The following IQCK variants were observed in gnomAD, a reference collection of about 807,000 sequenced individuals.
IQCK encodes the protein IQ motif containing K.
A neutral mutation model predicts 28.1 loss-of-function variants in IQCK; 29 were observed. The ratio of observed to expected loss-of-function variants is 1.03; its 90% CI spans 0.77 to 1.41. The LOEUF (loss-of-function observed/expected upper bound fraction) is 1.41, where lower values mean the gene tolerates loss of function less well. Ranked by LOEUF, IQCK falls within the 40% of genes most tolerant of loss-of-function variation. IQCK has a pLI of 0.00. For synonymous variants in IQCK, 113 were observed against 115.1 expected, an observed-to-expected ratio of 0.98 and a Z score of 0.12; for missense variants, 359 against 314.7, an observed-to-expected ratio of 1.14 and a Z score of -1.07.
intron 4 of IQCK, among the ~76,000 whole-genome samples, chr16:19,750,472 T>A (rs537723831): frequency 2.6e-4 from 39 of 151,248 alleles, no homozygotes; most frequent in Admixed American, 7.3e-4. Context: ...TTGTTTTTGT[T>A]TTTTTTTGAG....
chr16:19,832,014 T>C (rs138863268), downstream of IQCK, among the ~76,000 whole-genome samples: 263 of 152,260 alleles, frequency 1.7e-3, 2 homozygotes, highest in East Asian at 0.04. Flanking sequence ...TTTCAGCCAA[T>C]GTAGTTTAAA....
chr16:19,806,625 C>G (rs1412518657), intron 7 of IQCK, among the ~76,000 whole-genome samples: 1 of 151,582 alleles, frequency 6.6e-6, no homozygotes, highest in Admixed American at 6.6e-5. Context: ...GGAGGCAGAG[C>G]TTGCAGTGAG....
In IQCK at chr16:19,763,795, A is replaced by C. The variant is rs375242173; in HGVS notation, c.475-53A>C. 1.4e-4 allele frequency: 198 copies of C among 1,379,418 alleles called. 1 individual carries two copies. Among genetic ancestry groups the C allele is most frequent in the Non-Finnish European group, 2.5e-5 (24 of 967,886 alleles). 85.4% of individuals were successfully genotyped at this position (1,379,418 alleles called of 1,614,324 possible). A position where few individuals can be genotyped will look rare whatever the true frequency, so the allele number is the denominator to read the frequency against. On this transcript the variant is annotated intron_variant, in intron 4 of 7. Transcript: ENST00000564186. Reference sequence around the variant, plus strand: ...TGTATAAGTAGACCTGTGCAGTTCAAATCCATAGTGTTTAAGGGTCAGTTG... The same window carrying C: ...TGTATAAGTAGACCTGTGCAGTTCACATCCATAGTGTTTAAGGGTCAGTTG...
intron 9 of IQCK, among the ~76,000 whole-genome samples, chr16:19,836,726 A>G (rs142154724): frequency 1.3e-5 from 2 of 152,248 alleles, no homozygotes; most frequent in East Asian, 1.9e-4. Context: ...GTTGGCCAGG[A>G]TGCTCTTGAT....
rs183625761 is a variant in IQCK, at chr16:19,736,744, T to C, written c.474+1294T>C. Among the ~76,000 whole-genome samples the C allele has an allele frequency of 4.0e-3, 615 of 152,174 alleles. 3 individuals are homozygous for C. Among genetic ancestry groups the C allele is most frequent in the African/African-American group, 0.014 (565 of 41,494 alleles). On this transcript the variant is annotated intron_variant, in intron 4 of 7. Transcript: ENST00000564186. Reference sequence around the variant, plus strand: ...CCCCAGCCATGTGAGCTTCCTTCTATTATTATTATCTGCACTCTGCAGAGG... The same window carrying C: ...CCCCAGCCATGTGAGCTTCCTTCTACTATTATTATCTGCACTCTGCAGAGG...
At chr16:19,768,732 TGA>T (rs2055277585) in intron 6 of IQCK, among the ~76,000 whole-genome samples, 7 of 152,022 alleles carry the variant, frequency 4.6e-5, no homozygotes, top group Admixed American at 4.6e-4. Context: ...GGTGACAGAG[TGA>T]GACTCCATCT....
intron 6 of IQCK, among the ~76,000 whole-genome samples, chr16:19,777,772 C>T (rs1042728460): frequency 2.6e-5 from 4 of 152,164 alleles, no homozygotes; most frequent in Admixed American, 6.5e-5. Flanking sequence ...AGTTCAGGGC[C>T]GGGCACGGTG....
exon 10 of IQCK, chr16:19,856,690 A>G (rs575965280): frequency 1.5e-6 from 1 of 651,326 alleles, no homozygotes; most frequent in Admixed American, 3.0e-5. Context: ...ACAAGATAGG[A>G]TTCATTGCAA....
At chr16:19,782,456 C>CA (rs2055500645) in intron 6 of IQCK, among the ~76,000 whole-genome samples, 1 of 149,208 alleles carries the variant, frequency 6.7e-6, no homozygotes, top group Non-Finnish European at 1.5e-5. Flanking sequence ...CCTGTCTCTA[C>CA]AAAAATACCA....
At chr16:19,783,772 A>G (rs1320861426) in intron 6 of IQCK, among the ~76,000 whole-genome samples, 1 of 152,184 alleles carries the variant, frequency 6.6e-6, no homozygotes, top group African/African-American at 2.4e-5. Flanking sequence ...CTAGCTATGA[A>G]AGCAGGGATG....
intron 4 of IQCK, among the ~76,000 whole-genome samples, chr16:19,751,928 C>T (rs545842307): frequency 3.9e-5 from 6 of 152,242 alleles, no homozygotes; most frequent in South Asian, 2.1e-4. Context: ...GGGCTGGCCA[C>T]ACTCTACAAG....
At chr16:19,736,240 T>C in intron 4 of IQCK, 2 of 443,686 alleles carry the variant, frequency 4.5e-6, no homozygotes, top group Non-Finnish European at 9.0e-6. Flanking sequence ...GAGAATCAGC[T>C]TCTCTGCAGG....
chr16:19,826,155 C>T (rs538601986), intron 7 of IQCK, among the ~76,000 whole-genome samples: 1 of 152,112 alleles, frequency 6.6e-6, no homozygotes, highest in East Asian at 1.9e-4. Flanking sequence ...TACAGGTGTT[C>T]ACCACCACAC....
chr16:19,847,084 C>T lies in IQCK; in HGVS notation c.803-9403C>T, dbSNP rs2056423052. On this transcript the variant is annotated intron_variant, in intron 9 of 9. Coordinates refer to the IQCK transcript ENST00000320394. The stretch of plus-strand genomic sequence containing the variant: ...TTAGTATCTCTGAGCCTCAATTTCT[C>T]AGTCAGTAAAATGAAAATGAGGATA... Among the ~76,000 whole-genome samples, 7 of 152,212 alleles carry T rather than the reference C, an allele frequency of 4.6e-5. No homozygotes were observed. In the South Asian group the frequency reaches 1.5e-3, roughly 32 times the overall value.
chr16:19,839,404 A>T (rs62025053), intron 9 of IQCK, among the ~76,000 whole-genome samples: 46,880 of 151,504 alleles, frequency 0.31, 7,710 homozygotes, highest in East Asian at 0.52. Context: ...CAAGTGATCC[A>T]CCCTCCTCGG....
At chr16:19,760,154 A>G (rs1363616569) in intron 4 of IQCK, among the ~76,000 whole-genome samples, 1 of 152,212 alleles carries the variant, frequency 6.6e-6, no homozygotes, top group East Asian at 1.9e-4. Flanking sequence ...AATTTTTTAA[A>G]AAGACAATGA....
intron 7 of IQCK, among the ~76,000 whole-genome samples, chr16:19,799,640 A>ACACACCC (rs1472985923): frequency 8.9e-6 from 1 of 111,800 alleles, no homozygotes; most frequent in African/African-American, 4.6e-5. Flanking sequence ...ACACACACAC[A>ACACACCC]CCCAGTGAAT....
chr16:19,750,682 G>A (rs890560948), intron 4 of IQCK, among the ~76,000 whole-genome samples: 20 of 151,670 alleles, frequency 1.3e-4, no homozygotes, highest in African/African-American at 4.1e-4. Context: ...GGCTGGTCTC[G>A]AACTCCTGAC....
At chr16:19,736,672 C>T (rs1459191947) in intron 4 of IQCK, among the ~76,000 whole-genome samples, 1 of 152,132 alleles carries the variant, frequency 6.6e-6, no homozygotes, top group Non-Finnish European at 1.5e-5. Flanking sequence ...TCGCTCTGTG[C>T]CAGGCACTTT....
Sources: allele counts gnomAD v4.1 joint callset (sites outside exome capture counted in the v4.1 genomes callset), GRCh38; gene constraint gnomAD v4.1.1; transcripts MANE v1.5; gene names NCBI Gene and HGNC (gene_info 2026-07-23, HGNC 2026-07-21).